The following OSBPL8 variants were observed in gnomAD, a reference collection of about 807,000 sequenced individuals.
The protein encoded by OSBPL8 is oxysterol-binding protein-related protein 8.
OSBPL8 carries 59 observed loss-of-function variants against 125.5 expected under a neutral mutation model. The observed-to-expected ratio is 0.47, with a 90% CI of 0.38 to 0.58. The LOEUF (loss-of-function observed/expected upper bound fraction) is 0.58. Among genes scored for constraint, OSBPL8 ranks in the 20% least tolerant of loss-of-function variants. The pLI, the probability that OSBPL8 is intolerant of heterozygous loss-of-function variation, is 0.00. For missense variants in OSBPL8, 758 were observed against 1,047.8 expected (o/e 0.72, Z 3.82); for synonymous variants, 330 against 338.9 (o/e 0.97, Z 0.29).
intron 3 of OSBPL8, among the ~76,000 whole-genome samples, chr12:76,455,017 G>A (rs185416110): frequency 2.6e-5 from 4 of 151,748 alleles, no homozygotes; most frequent in Admixed American, 1.3e-4. Context: ...GGTGGATCAC[G>A]AGGTCAGGAG....
intron 5 of OSBPL8, among the ~76,000 whole-genome samples, chr12:76,405,531 T>C (rs1459625209): frequency 1.3e-5 from 2 of 152,154 alleles, no homozygotes; most frequent in Non-Finnish European, 2.9e-5. Flanking sequence ...AAAAGATTAC[T>C]GTACATAGGG....
At chr12:76,531,997 A>C (rs1333545035) in intron 1 of OSBPL8, among the ~76,000 whole-genome samples, 1 of 144,844 alleles carries the variant, frequency 6.9e-6, no homozygotes. Flanking sequence ...AGATCGCGCC[A>C]CTGCACTCCA....
intron 2 of OSBPL8, among the ~76,000 whole-genome samples, chr12:76,476,083 T>C (rs1410383015): frequency 1.3e-5 from 2 of 152,090 alleles, no homozygotes; most frequent in African/African-American, 4.8e-5. Flanking sequence ...AAAAGTTCCC[T>C]AAGAAACAGA....
chr12:76,483,596 GA>G (rs2137002925), intron 2 of OSBPL8, among the ~76,000 whole-genome samples: 1 of 143,104 alleles, frequency 7.0e-6, no homozygotes, highest in East Asian at 2.0e-4. Context: ...GTTCAAGAAG[GA>G]AAGCAAATGA....
intron 4 of OSBPL8, among the ~76,000 whole-genome samples, chr12:76,423,478 C>T (rs1407646012): frequency 6.6e-6 from 1 of 152,132 alleles, no homozygotes; most frequent in Non-Finnish European, 1.5e-5. Flanking sequence ...AGTTTCATTA[C>T]ATCTAAACTG....
At chr12:76,480,167 C>CAA (rs57582036) in intron 2 of OSBPL8, among the ~76,000 whole-genome samples, 1,253 of 55,558 alleles carry the variant, frequency 0.023, 37 homozygotes, top group Middle Eastern at 0.04. Context: ...AACTCCATCT[C>CAA]AAAAAAAAAA....
intron 1 of OSBPL8, among the ~76,000 whole-genome samples, chr12:76,528,366 C>T (rs1347910603): frequency 6.7e-6 from 1 of 149,122 alleles, no homozygotes; most frequent in Non-Finnish European, 1.5e-5. Context: ...TTATTAATAA[C>T]AGAAGATGAA....
intron 1 of OSBPL8, among the ~76,000 whole-genome samples, chr12:76,556,790 A>G (rs1951114416): frequency 6.6e-6 from 1 of 152,076 alleles, no homozygotes; most frequent in Non-Finnish European, 1.5e-5. Flanking sequence ...CAGCCTCCCA[A>G]GTAGCTGGGA....
intron 4 of OSBPL8, among the ~76,000 whole-genome samples, chr12:76,438,009 C>T (rs890997844): frequency 7.9e-5 from 12 of 151,774 alleles, no homozygotes; most frequent in Admixed American, 5.2e-4. Flanking sequence ...TTTTTTGAGA[C>T]GGAGTCTTGC....
At position 76,390,512 on chromosome 12, in the gene OSBPL8, C is replaced by T. The variant is rs1363541996; in HGVS notation, c.1075G>A (p.Glu359Lys). The stretch of plus-strand genomic sequence containing the variant: ...TCGATATATGAGTCATCTTGTCTTT[C>T]TGATGTATCTGTGTCACTTTCTTCA... Reference protein sequence around the residue: ...KSEESDTDTSERQDDSYIEPE... With the variant: ...KSEESDTDTSKRQDDSYIEPE... Residue 359 changes from glutamate (E) to lysine (K), a missense_variant, in exon 11 of 24, where the codon GAA becomes AAA. By Grantham distance (56) the Glu-to-Lys change is moderately conservative. Around this residue, in one of 3 missense-constraint regions of OSBPL8, gnomAD observed 572 missense variants for 762.0 expected, o/e 0.75. Coordinates refer to ENST00000261183, the MANE Select transcript of OSBPL8 (RefSeq NM_020841.5). 1 of 1,613,934 alleles carries T rather than the reference C, an allele frequency of 6.2e-7. No homozygotes were observed. The highest frequency in any genetic ancestry group is 1.7e-5 in the Admixed American group (1 of 60,010).
chr12:76,486,764 CTTATT>C, intron 2 of OSBPL8, among the ~76,000 whole-genome samples: 2 of 152,158 alleles, frequency 1.3e-5, no homozygotes, highest in East Asian at 3.9e-4. Context: ...GGCAATTGCT[CTTATT>C]TTAACTGTTT....
At chr12:76,448,232 C>T (rs977641086) in intron 4 of OSBPL8, among the ~76,000 whole-genome samples, 1 of 152,168 alleles carries the variant, frequency 6.6e-6, no homozygotes, top group Admixed American at 6.5e-5. Flanking sequence ...TACATCTATA[C>T]AATGGGTATA....
chr12:76,478,950 T>C (rs547379701), intron 2 of OSBPL8, among the ~76,000 whole-genome samples: 249 of 152,220 alleles, frequency 1.6e-3, no homozygotes, highest in Non-Finnish European at 1.6e-3. Flanking sequence ...CCGGGTGTGA[T>C]GGCAGGCGCC....
intron 1 of OSBPL8, among the ~76,000 whole-genome samples, chr12:76,558,610 G>A (rs2137560479): frequency 6.6e-6 from 1 of 152,282 alleles, no homozygotes; most frequent in Non-Finnish European, 1.5e-5. Context: ...CGTTGTCCAA[G>A]TTACCTATTA....
At chr12:76,549,965 C>T (rs1410187268) in intron 1 of OSBPL8, among the ~76,000 whole-genome samples, 1 of 151,146 alleles carries the variant, frequency 6.6e-6, no homozygotes, top group Non-Finnish European at 1.5e-5. Flanking sequence ...AGAATGGATC[C>T]AATTCAAGAG....
At chr12:76,404,269 G>C (rs1762795426) in intron 5 of OSBPL8, among the ~76,000 whole-genome samples, 1 of 152,138 alleles carries the variant, frequency 6.6e-6, no homozygotes, top group South Asian at 2.1e-4. Context: ...AGAAGAATAT[G>C]ATGGCTTAAA....
chr12:76,507,620 G>A (rs1328502810), intron 1 of OSBPL8, among the ~76,000 whole-genome samples: 1 of 151,596 alleles, frequency 6.6e-6, no homozygotes, highest in Non-Finnish European at 1.5e-5. Flanking sequence ...AGGAGTTTGA[G>A]ACCAGCCTGG....
intron 4 of OSBPL8, among the ~76,000 whole-genome samples, chr12:76,441,571 G>A (rs562268843): frequency 3.3e-5 from 5 of 152,132 alleles, no homozygotes; most frequent in South Asian, 2.1e-4. Context: ...CAATCTGTCC[G>A]ACTTGCAAAA....
chr12:76,459,816 T>G, intron 3 of OSBPL8, 43 bp downstream of exon 3: 1 of 1,609,358 alleles, frequency 6.2e-7, no homozygotes, highest in Non-Finnish European at 8.5e-7. Flanking sequence ...CATCAAAATA[T>G]TATCATGTCC....
Sources: allele counts gnomAD v4.1 joint callset (sites outside exome capture counted in the v4.1 genomes callset), GRCh38; gene constraint gnomAD v4.1.1; regional missense constraint gnomAD v4.1.1; transcripts MANE v1.5; gene names NCBI Gene and HGNC (gene_info 2026-07-23, HGNC 2026-07-21).